Variants in NSMCE2 observed in about 807,000 individuals in gnomAD.
NSMCE2 encodes the protein NSE2 SUMO ligase component of SMC5/6 complex, also known as E3 SUMO-protein ligase NSE2.
Under a neutral mutation model 23.8 loss-of-function variants are expected in NSMCE2, and 24 were observed. The ratio of observed to expected loss-of-function variants is 1.01; its 90% confidence interval spans 0.73 to 1.42. NSMCE2 has a LOEUF of 1.42. Among genes scored for constraint, NSMCE2 ranks in the 40% most tolerant of loss-of-function variants. NSMCE2 has a pLI of 0.00. For synonymous variants in NSMCE2, 92 were observed against 94.1 expected (o/e 0.98, Z 0.13); for missense variants, 284 against 296.5 (o/e 0.96, Z 0.31).
intron 5 of NSMCE2, among the ~76,000 whole-genome samples, chr8:125,215,903 C>G (rs1264846619): frequency 6.6e-6 from 1 of 152,156 alleles, no homozygotes; most frequent in Non-Finnish European, 1.5e-5. Context: ...GGCAACATAA[C>G]GAGACCCTGT....
intron 5 of NSMCE2, among the ~76,000 whole-genome samples, chr8:125,340,224 T>C (rs1830201107): frequency 6.6e-6 from 1 of 152,126 alleles, no homozygotes; most frequent in African/African-American, 2.4e-5. Context: ...TTCACCGTGT[T>C]AGCCTAATAC....
At chr8:125,135,587 C>A (rs1820025192) in intron 3 of NSMCE2, among the ~76,000 whole-genome samples, 1 of 151,514 alleles carries the variant, frequency 6.6e-6, no homozygotes, top group South Asian at 2.1e-4. Context: ...AGGTATAGAT[C>A]AAAGTTCAGT....
chr8:125,152,633 G>A (rs957106422), intron 4 of NSMCE2, among the ~76,000 whole-genome samples: 1 of 152,092 alleles, frequency 6.6e-6, no homozygotes, highest in Non-Finnish European at 1.5e-5. Flanking sequence ...CTTTCATACT[G>A]TGCAAATGCA....
At chr8:125,343,001 T>C (rs546686449) in intron 5 of NSMCE2, among the ~76,000 whole-genome samples, 1 of 152,342 alleles carries the variant, frequency 6.6e-6, no homozygotes, top group Non-Finnish European at 1.5e-5. Flanking sequence ...ACGAGTATAT[T>C]GTGCCACTAG....
chr8:125,305,517 C>G (rs1283246046), intron 5 of NSMCE2, among the ~76,000 whole-genome samples: 1 of 152,142 alleles, frequency 6.6e-6, no homozygotes, highest in African/African-American at 2.4e-5. Context: ...TTGAAGGCAG[C>G]TGGAAAATCA....
At chr8:125,317,737 A>G (rs1829268058) in intron 5 of NSMCE2, among the ~76,000 whole-genome samples, 1 of 152,230 alleles carries the variant, frequency 6.6e-6, no homozygotes, top group African/African-American at 2.4e-5. Context: ...TATGCATTTG[A>G]GATATAAAGC....
At position 125,151,154 on chromosome 8, in the gene NSMCE2, A is replaced by ATTTTTT; in HGVS notation, c.158-13_158-8dup. 7.2e-7 allele frequency: 1 copy of ATTTTTT among 1,387,682 alleles called. No homozygotes were observed. The allele number at this position is 1,387,682 out of a possible 1,614,324, so 86.0% of individuals were successfully genotyped here. Reference sequence around the variant, plus strand: ...TTTTAAATGGAAAATAATAATTGCAATTTTTTTTTCTTTCAGCTGAAGTGA... The same window carrying ATTTTTT: ...TTTTAAATGGAAAATAATAATTGCAATTTTTTTTTTTTTTTCTTTCAGCTGAAGTGA... On this transcript the variant is annotated splice_polypyrimidine_tract_variant and intron_variant, in intron 3 of 7. Transcript: ENST00000287437.
In NSMCE2 at chr8:125,264,189, C is replaced by T. The variant is rs191342947; in HGVS notation, c.418+81933C>T. 9.2e-4 allele frequency among the ~76,000 whole-genome samples: 140 copies of T among 152,322 alleles called. 1 individual carries two copies. The highest frequency in any genetic ancestry group is 3.2e-3 in the African/African-American group (134 of 41,566). On this transcript the variant is annotated intron_variant, in intron 5 of 7. Coordinates refer to ENST00000287437, the MANE Select transcript of NSMCE2 (RefSeq NM_173685.4). ...TGTTCCCAGGGAGTCTGAGGCATAG[C>T]CCAAAGTGGACTGTCATGAGTGTGA...
rs183823092 is a variant in NSMCE2 at position 125,355,072 on chromosome 8, T to C, written c.419-2147T>C. ...TCCCATCCCCCAAGATATTTCATCA[T>C]GCTTATGCAAATATTTCAAAGTCCG... On this transcript the variant is annotated intron_variant, in intron 5 of 7. Coordinates refer to ENST00000287437, the MANE Select transcript of NSMCE2 (RefSeq NM_173685.4). 5.3e-5 allele frequency among the ~76,000 whole-genome samples: 8 copies of C among 152,368 alleles called. No individual in the cohort carries two copies. The East Asian group carries it at 1.5e-3, about 29-fold the overall frequency.
intron 5 of NSMCE2, among the ~76,000 whole-genome samples, chr8:125,217,978 G>A (rs1449850885): frequency 1.3e-5 from 2 of 152,028 alleles, no homozygotes; most frequent in African/African-American, 2.4e-5. Context: ...CATTAAAGCA[G>A]AAGTCTCTAC....
chr8:125,300,710 T>C (rs1320271837), intron 5 of NSMCE2, among the ~76,000 whole-genome samples: 2 of 152,142 alleles, frequency 1.3e-5, no homozygotes, highest in Non-Finnish European at 2.9e-5. Context: ...AAGTGTATTA[T>C]GGTGGAGGAG....
chr8:125,288,379 A>G (rs192357155), intron 5 of NSMCE2, among the ~76,000 whole-genome samples: 4 of 152,176 alleles, frequency 2.6e-5, no homozygotes, highest in East Asian at 1.9e-4. Flanking sequence ...TGCATCATAC[A>G]CTGAAATAGA....
intron 5 of NSMCE2, among the ~76,000 whole-genome samples, chr8:125,209,876 G>A (rs1299822287): frequency 6.6e-6 from 1 of 152,064 alleles, no homozygotes; most frequent in Non-Finnish European, 1.5e-5. Flanking sequence ...CTATATGTTC[G>A]GTCCAAAGAG....
At chr8:125,245,432 C>T (rs753432648) in intron 5 of NSMCE2, among the ~76,000 whole-genome samples, 3 of 152,004 alleles carry the variant, frequency 2.0e-5, no homozygotes, top group Non-Finnish European at 4.4e-5. Flanking sequence ...AAGTCAAAGG[C>T]TACGTCAAAA....
chr8:125,316,958 C>T (rs1354225013), intron 5 of NSMCE2, among the ~76,000 whole-genome samples: 6 of 151,146 alleles, frequency 4.0e-5, no homozygotes, highest in Non-Finnish European at 8.9e-5. Context: ...TTTGGTTTTT[C>T]GTTTTTTTTT....
intron 3 of NSMCE2, among the ~76,000 whole-genome samples, chr8:125,117,497 T>G (rs1173917588): frequency 6.6e-6 from 1 of 152,206 alleles, no homozygotes; most frequent in Non-Finnish European, 1.5e-5. Context: ...TTAATGCGTT[T>G]TCTTTGTTCC....
Position 125,136,739 on chromosome 8 carries a change from T to C in NSMCE2, c.158-14432T>C, listed in dbSNP as rs73348163. Among the ~76,000 whole-genome samples, 168 of 152,310 alleles carry C rather than the reference T, an allele frequency of 1.1e-3. 2 individuals carry two copies. Among genetic ancestry groups the C allele is most frequent in the African/African-American group, 3.7e-3 (155 of 41,582 alleles). On this transcript the variant is annotated intron_variant, in intron 3 of 7. Coordinates refer to ENST00000287437, the MANE Select transcript of NSMCE2 (RefSeq NM_173685.4). ...CTCAACAAAGAGTTTTTTTGAGGCT[T>C]CTGGTAGGTTTAGGTGTTTATGAAT...
chr8:125,295,647 T>A (rs1466271573), intron 5 of NSMCE2, among the ~76,000 whole-genome samples: 3 of 152,160 alleles, frequency 2.0e-5, no homozygotes, highest in Admixed American at 6.5e-5. Flanking sequence ...TCATAATACA[T>A]CATCCCATGT....
rs76038904 is a variant in NSMCE2 at position 125,115,806 on chromosome 8, G to A, written c.157+13319G>A. Among the ~76,000 whole-genome samples, 1,025 of 152,324 alleles carry A rather than the reference G, an allele frequency of 6.7e-3. 13 individuals are homozygous for A. Among genetic ancestry groups the A allele is most frequent in the African/African-American group, 0.023 (954 of 41,576 alleles). ...TTTAGTCTTGACCTGGGAGATGCTT[G>A]CTGATGCAACTGTTTACAAAAATGT... On this transcript the variant is annotated intron_variant, in intron 3 of 7. Coordinates refer to ENST00000287437, the MANE Select transcript of NSMCE2 (RefSeq NM_173685.4).
Sources: allele counts gnomAD v4.1 joint callset (sites outside exome capture counted in the v4.1 genomes callset), GRCh38; gene constraint gnomAD v4.1.1; transcripts MANE v1.5; gene names NCBI Gene and HGNC (gene_info 2026-07-23, HGNC 2026-07-21).